TPD52: variants seen among roughly 807,000 people sequenced by gnomAD.
TPD52 encodes the protein prostate and colon associated protein.
TPD52 carries 17 observed loss-of-function variants against 31.3 expected under a neutral mutation model. That is an observed-to-expected ratio of 0.54 (90% confidence interval 0.37 to 0.82). The LOEUF (loss-of-function observed/expected upper bound fraction) is 0.82, where lower values mean the gene tolerates loss of function less well. TPD52 is among the 40% of genes least tolerant of loss of function. TPD52 has a pLI of 0.00. For synonymous variants in TPD52, 83 were observed against 89.6 expected (o/e 0.93, Z 0.42); for missense variants, 212 against 240.1 (o/e 0.88, Z 0.77).
intron 2 of TPD52, among the ~76,000 whole-genome samples, chr8:80,057,991 T>C (rs533243883): frequency 6.6e-6 from 1 of 152,296 alleles, no homozygotes; most frequent in East Asian, 1.9e-4. Context: ...AAGACTGTTG[T>C]AATAATTAAT....
At chr8:80,059,554 T>TA (rs915894595) in intron 2 of TPD52, among the ~76,000 whole-genome samples, 7 of 151,640 alleles carry the variant, frequency 4.6e-5, no homozygotes, top group Non-Finnish European at 1.0e-4. Context: ...CATTAAGGGT[T>TA]AAAAAAAAGA....
downstream of TPD52, among the ~76,000 whole-genome samples, chr8:80,032,159 A>G (rs1432821534): frequency 6.7e-6 from 1 of 149,058 alleles, no homozygotes; most frequent in Non-Finnish European, 1.5e-5. Context: ...GCTCAAAAAA[A>G]AAAAAAAAAA....
At chr8:80,032,680 G>A (rs1809723115), downstream of TPD52, 1 of 152,310 alleles carries the variant, frequency 6.6e-6, no homozygotes, top group Non-Finnish European at 1.5e-5. Flanking sequence ...AAGGTGATGA[G>A]TGTAAGATGC....
At chr8:80,132,981 G>T (rs1188960254) in intron 1 of TPD52, among the ~76,000 whole-genome samples, 2 of 152,154 alleles carry the variant, frequency 1.3e-5, no homozygotes, top group African/African-American at 4.8e-5. Flanking sequence ...TTCTCTATCA[G>T]TTCAGCCAGC....
At chr8:80,033,993 C>T (rs1286706486), downstream of TPD52, among the ~76,000 whole-genome samples, 2 of 152,136 alleles carry the variant, frequency 1.3e-5, no homozygotes, top group Non-Finnish European at 2.9e-5. Flanking sequence ...CACCCCTTCC[C>T]TCCTAGGAAC....
intron 1 of TPD52, among the ~76,000 whole-genome samples, chr8:80,100,872 G>A (rs987063865): frequency 6.6e-6 from 1 of 152,172 alleles, no homozygotes; most frequent in African/African-American, 2.4e-5. Context: ...AAGTCAATCT[G>A]CTTTACTCAG....
intron 1 of TPD52, among the ~76,000 whole-genome samples, chr8:80,124,725 T>C (rs1328620821): frequency 6.6e-6 from 1 of 152,226 alleles, no homozygotes; most frequent in Non-Finnish European, 1.5e-5. Flanking sequence ...TTTTTAAGAA[T>C]AGCACTATCT....
intron 1 of TPD52, among the ~76,000 whole-genome samples, chr8:80,149,778 T>C (rs918494072): frequency 2.0e-5 from 3 of 152,136 alleles, no homozygotes; most frequent in East Asian, 3.8e-4. Context: ...TGGTAGAACT[T>C]TGAACTTGAG....
chr8:80,089,679 T>A (rs1289580862), intron 1 of TPD52, among the ~76,000 whole-genome samples: 1 of 152,250 alleles, frequency 6.6e-6, no homozygotes, highest in Non-Finnish European at 1.5e-5. Flanking sequence ...ACAATAATTA[T>A]GACTTATCCT....
intron 1 of TPD52, among the ~76,000 whole-genome samples, chr8:80,161,026 CA>C (rs1811326787): frequency 6.6e-6 from 1 of 151,836 alleles, no homozygotes; most frequent in Admixed American, 6.6e-5. Context: ...CACTGCACTC[CA>C]CTGCACTCCA....
At chr8:80,149,839 T>C (rs1810453012) in intron 1 of TPD52, among the ~76,000 whole-genome samples, 1 of 152,176 alleles carries the variant, frequency 6.6e-6, no homozygotes, top group Non-Finnish European at 1.5e-5. Flanking sequence ...GGCAAAGCAC[T>C]CAAGAGGAAG....
Position 80,080,797 on chromosome 8 carries a change from G to A in TPD52, c.20-16204C>T, listed in dbSNP as rs1033769617. 25 of 1,011,250 alleles carry A rather than the reference G, an allele frequency of 2.5e-5. No individual in the cohort carries two copies. The African/African-American group carries it at 4.3e-4, about 17-fold the overall frequency. The allele number at this position is 1,011,250 out of a possible 1,614,324, so 62.6% of individuals were successfully genotyped here. ...GGGCAGGGTTCTGCAATATGGCCCA[G>A]AGGTACAAACAGTTCAGGCAAACAT... On this transcript the variant is annotated intron_variant, in intron 1 of 7. Transcript: ENST00000518937.
intron 1 of TPD52, among the ~76,000 whole-genome samples, chr8:80,127,845 C>A (rs1808738629): frequency 7.1e-6 from 1 of 141,282 alleles, no homozygotes; most frequent in South Asian, 2.3e-4. Context: ...CACAGAGATA[C>A]ATAATAAAAA....
intron 1 of TPD52, among the ~76,000 whole-genome samples, chr8:80,074,235 T>C (rs1359013069): frequency 1.3e-5 from 2 of 152,166 alleles, no homozygotes; most frequent in East Asian, 1.9e-4. Context: ...CAAGAGGAAA[T>C]ATGCATCCCC....
intron 1 of TPD52, among the ~76,000 whole-genome samples, chr8:80,077,593 C>CAA (rs1195007920): frequency 1.3e-5 from 2 of 152,140 alleles, no homozygotes; most frequent in Non-Finnish European, 2.9e-5. Context: ...AACAAAAAAC[C>CAA]AAACCACTAG....
In TPD52 at chr8:80,042,072, G is replaced by C. The variant is rs571371412; in HGVS notation, c.504+548C>G. 69 of 601,852 alleles carry C rather than the reference G, an allele frequency of 1.1e-4. 1 individual carries two copies. In the South Asian group the frequency reaches 4.7e-3, roughly 41 times the overall value. The allele number at this position is 601,852 out of a possible 1,614,324, so 37.3% of individuals were successfully genotyped here. On this transcript the variant is annotated intron_variant, in intron 7 of 7. Transcript: ENST00000518937. ...CCACTGCACTCCAGCCTGGGCAACA[G>C]AGTGAGACTCCATCTCAAAAAAAAA...
chr8:80,102,456 C>T (rs1806813256), intron 1 of TPD52, among the ~76,000 whole-genome samples: 1 of 152,202 alleles, frequency 6.6e-6, no homozygotes, highest in Admixed American at 6.5e-5. Flanking sequence ...CTATATTCTA[C>T]TGGTCACACA....
At chr8:80,132,512 A>G (rs1809091629) in intron 1 of TPD52, among the ~76,000 whole-genome samples, 2 of 152,120 alleles carry the variant, frequency 1.3e-5, no homozygotes, top group Non-Finnish European at 2.9e-5. Context: ...CAGGCCGAAA[A>G]TCTATTTCAT....
chr8:80,141,439 C>T (rs1451415733), intron 1 of TPD52, among the ~76,000 whole-genome samples: 4 of 152,136 alleles, frequency 2.6e-5, no homozygotes, highest in Non-Finnish European at 5.9e-5. Flanking sequence ...ATGGAGAGGT[C>T]CCTGGGGTGA....
Sources: gnomAD v4.1 joint callset for allele counts (sites outside exome capture counted in the v4.1 genomes callset) on GRCh38, gnomAD v4.1.1 for gene constraint, MANE v1.5 for transcripts, NCBI Gene and HGNC (gene_info 2026-07-23, HGNC 2026-07-21) for gene names.